GTF2IRD1: variants seen among roughly 807,000 people sequenced by gnomAD.
GTF2IRD1 encodes general transcription factor II-I repeat domain-containing protein 1.
A neutral mutation model predicts 113.2 loss-of-function variants in GTF2IRD1; 26 were observed. The ratio of observed to expected loss-of-function variants is 0.23; its 90% confidence interval spans 0.17 to 0.32. The LOEUF is 0.32. GTF2IRD1 is among the 10% of genes least tolerant of loss of function. The pLI, the probability that GTF2IRD1 is intolerant of heterozygous loss-of-function variation, is 1.00. For missense variants in GTF2IRD1, 864 were observed against 1,280.8 expected (o/e 0.67, Z 4.97); for synonymous variants, 484 against 529.1 (o/e 0.91, Z 1.17).
intron 14 of GTF2IRD1, 36 bp downstream of exon 14, chr7:74,540,004 T>A: frequency 6.8e-7 from 1 of 1,477,740 alleles, no homozygotes; most frequent in Non-Finnish European, 9.5e-7. Flanking sequence ...TGCTTGGGAC[T>A]CAGCTCTCCA....
chr7:74,492,966 T>A (rs1274729037), intron 1 of GTF2IRD1, among the ~76,000 whole-genome samples: 2 of 152,080 alleles, frequency 1.3e-5, no homozygotes, highest in African/African-American at 2.4e-5. Context: ...AGAGCTGGGG[T>A]CTTGCTGTGT....
At chr7:74,499,811 C>T (rs1312033397) in intron 1 of GTF2IRD1, among the ~76,000 whole-genome samples, 6 of 151,638 alleles carry the variant, frequency 4.0e-5, no homozygotes, top group African/African-American at 9.7e-5. Context: ...TGAATGCACA[C>T]GAAAGAAAGA....
At chr7:74,547,393 G>C in intron 17 of GTF2IRD1, 107 bp downstream of exon 17, 3 of 728,264 alleles carry the variant, frequency 4.1e-6, no homozygotes, top group Non-Finnish European at 6.8e-6. Flanking sequence ...TCAGCCACCT[G>C]AATAGCTGGG....
intron 8 of GTF2IRD1, among the ~76,000 whole-genome samples, chr7:74,529,481 C>T (rs1241191460): frequency 6.6e-6 from 1 of 152,114 alleles, no homozygotes; most frequent in Non-Finnish European, 1.5e-5. Flanking sequence ...GTCTTGAACT[C>T]CTGGGCTCAA....
chr7:74,580,704 G>C (rs1426511565), intron 22 of GTF2IRD1, among the ~76,000 whole-genome samples: 3 of 152,126 alleles, frequency 2.0e-5, no homozygotes, highest in Admixed American at 6.6e-5. Context: ...TGAGCAGGAG[G>C]GGGGCAGGAA....
chr7:74,552,295 T>G (rs10262136), intron 17 of GTF2IRD1, among the ~76,000 whole-genome samples: 45,659 of 151,940 alleles, frequency 0.3, 8,892 homozygotes, highest in African/African-American at 0.56. Flanking sequence ...GAGGAGGGTG[T>G]ATCACCTGAG....
At chr7:74,460,417 A>AAT (rs1793285360) in intron 1 of GTF2IRD1, among the ~76,000 whole-genome samples, 3 of 148,318 alleles carry the variant, frequency 2.0e-5, no homozygotes, top group Admixed American at 2.0e-4. Context: ...TTAAAAAAAA[A>AAT]TTTTTTTTTT....
rs189617647 is a variant in GTF2IRD1 at position 74,602,016 on chromosome 7, G to A, written c.2767-349G>A. On this transcript the variant is annotated intron_variant, in intron 26 of 26. Transcript: ENST00000424337. ...AGCACTTTGGGAGGCCGAGGCAGGC[G>A]GATCACTTGAGGCTCAGGAGTTCAA... The A allele has an allele frequency of 7.4e-4, 130 of 175,266 alleles. 1 individual carries two copies. The highest frequency in any genetic ancestry group is 2.5e-3 in the African/African-American group (107 of 42,116). 10.9% of individuals were successfully genotyped at this position (175,266 alleles called of 1,614,324 possible). A position where few individuals can be genotyped will look rare whatever the true frequency, so the allele number is the denominator to read the frequency against.
intron 1 of GTF2IRD1, among the ~76,000 whole-genome samples, chr7:74,485,683 A>G (rs1794981723): frequency 6.6e-6 from 1 of 151,998 alleles, no homozygotes; most frequent in African/African-American, 2.4e-5. Flanking sequence ...GCACTTTGAG[A>G]GGCCGAGGCA....
chr7:74,562,555 CTTTTTTTTTTTTT>C (rs1167468655), intron 22 of GTF2IRD1, among the ~76,000 whole-genome samples: 35 of 62,706 alleles, frequency 5.6e-4, no homozygotes, highest in East Asian at 2.5e-3. Flanking sequence ...CAATTGCCCT[CTTTTTTTTTTTTT>C]TTTTTTTTTT....
intron 4 of GTF2IRD1, among the ~76,000 whole-genome samples, chr7:74,516,198 G>A (rs991836845): frequency 6.6e-6 from 1 of 152,156 alleles, no homozygotes; most frequent in East Asian, 1.9e-4. Flanking sequence ...AGACACCTGC[G>A]TGGCACTGAG....
chr7:74,458,367 AG>A (rs1203265747), intron 1 of GTF2IRD1, among the ~76,000 whole-genome samples: 1 of 152,014 alleles, frequency 6.6e-6, no homozygotes, highest in Non-Finnish European at 1.5e-5. Flanking sequence ...ATTGCTGGTG[AG>A]GGGGTAACAG....
chr7:74,456,747 C>G (rs1448227695), intron 1 of GTF2IRD1, among the ~76,000 whole-genome samples: 1 of 151,990 alleles, frequency 6.6e-6, no homozygotes, highest in African/African-American at 2.4e-5. Flanking sequence ...TTCCTCCTAC[C>G]CCTGGCCTCT....
intron 11 of GTF2IRD1, among the ~76,000 whole-genome samples, chr7:74,537,786 G>A (rs1288533789): frequency 6.6e-6 from 1 of 152,172 alleles, no homozygotes; most frequent in Non-Finnish European, 1.5e-5. Context: ...AGGCCCTGCA[G>A]GTCTCAGTCC....
chr7:74,564,863 C>G (rs781923742), intron 22 of GTF2IRD1, among the ~76,000 whole-genome samples: 13 of 152,332 alleles, frequency 8.5e-5, no homozygotes, highest in Non-Finnish European at 1.8e-4. Context: ...CCTGCCTGCT[C>G]TGACATGCTG....
At chr7:74,574,310 C>A (rs1423918512) in intron 22 of GTF2IRD1, among the ~76,000 whole-genome samples, 1 of 150,658 alleles carries the variant, frequency 6.6e-6, no homozygotes, top group Admixed American at 6.6e-5. Context: ...CCTCATTATT[C>A]TTATTTAATA....
intron 22 of GTF2IRD1, among the ~76,000 whole-genome samples, chr7:74,566,654 C>T (rs1030781752): frequency 6.6e-6 from 1 of 152,092 alleles, no homozygotes; most frequent in African/African-American, 2.4e-5. Flanking sequence ...GTCATACTTA[C>T]GATTTGCCGG....
In GTF2IRD1 at chr7:74,535,337, C is replaced by T. The variant is rs587759311; in HGVS notation, c.1300+199C>T. Among the ~76,000 whole-genome samples, 102 of 152,316 alleles carry T rather than the reference C, an allele frequency of 6.7e-4. No individual in the cohort carries two copies. The Middle Eastern group carries it at 0.017, about 25-fold the overall frequency. ...CTGACAGACTGTCAGGACAACCCCT[C>T]CCAGCTTCAAATGCCCTGGACAGAG... On this transcript the variant is annotated intron_variant, in intron 10 of 26. Transcript: ENST00000424337.
intron 22 of GTF2IRD1, among the ~76,000 whole-genome samples, chr7:74,562,747 G>A (rs1351150931): frequency 1.3e-5 from 2 of 151,252 alleles, no homozygotes; most frequent in Non-Finnish European, 3.0e-5. Context: ...TTTTGTATTT[G>A]TAGGCACCCT....
Sources: allele counts gnomAD v4.1 joint callset (sites outside exome capture counted in the v4.1 genomes callset), GRCh38; gene constraint gnomAD v4.1.1; transcripts MANE v1.5; gene names NCBI Gene and HGNC (gene_info 2026-07-23, HGNC 2026-07-21).